The following STK39 variants were observed in gnomAD, a reference collection of about 807,000 sequenced individuals.
STK39 encodes the protein serine/threonine kinase 39.
In STK39, 20 loss-of-function variants were observed where a neutral mutation model predicts 77.8. The observed-to-expected ratio is 0.26, with a 90% CI of 0.18 to 0.37. STK39 has a LOEUF of 0.37. Among genes scored for constraint, STK39 ranks in the 10% least tolerant of loss-of-function variants. The probability of loss-of-function intolerance (pLI) is 1.00; values close to 1 mark genes in which losing one functional copy is unlikely to be tolerated. For synonymous variants in STK39, 246 were observed against 234.1 expected (o/e 1.05, Z -0.47); for missense variants, 479 against 656.5 (o/e 0.73, Z 2.95).
intron 1 of STK39, among the ~76,000 whole-genome samples, chr2:168,195,353 T>C (rs1689441913): frequency 6.6e-6 from 1 of 152,164 alleles, no homozygotes; most frequent in African/African-American, 2.4e-5. Context: ...TGAGCCACGA[T>C]GGCACTACTG....
chr2:168,152,969 A>G (rs1365788364), intron 5 of STK39, among the ~76,000 whole-genome samples: 1 of 152,200 alleles, frequency 6.6e-6, no homozygotes, highest in African/African-American at 2.4e-5. Flanking sequence ...ACATGTTAAA[A>G]ATATGATCCC....
chr2:168,203,616 G>A (rs893457030), intron 1 of STK39, among the ~76,000 whole-genome samples: 4 of 151,798 alleles, frequency 2.6e-5, no homozygotes, highest in East Asian at 1.9e-4. Context: ...TTTTTGAGAC[G>A]GAGTCTCGCT....
intron 16 of STK39, among the ~76,000 whole-genome samples, chr2:167,994,357 C>T (rs774694366): frequency 2.6e-5 from 4 of 152,094 alleles, no homozygotes; most frequent in Non-Finnish European, 5.9e-5. Flanking sequence ...ATCAATACTA[C>T]TGATTTTAAT....
chr2:168,086,928 G>T (rs925774087), intron 10 of STK39, among the ~76,000 whole-genome samples: 1 of 152,122 alleles, frequency 6.6e-6, no homozygotes, highest in African/African-American at 2.4e-5. Context: ...CCCAAGTGAG[G>T]GCAACAAAGA....
intron 1 of STK39, among the ~76,000 whole-genome samples, chr2:168,220,810 A>C (rs1690150092): frequency 6.6e-6 from 1 of 152,206 alleles, no homozygotes; most frequent in Non-Finnish European, 1.5e-5. Flanking sequence ...GGAGATTAAG[A>C]TTATACACAC....
At chr2:167,963,534 A>AC (rs1553506925) in intron 17 of STK39, among the ~76,000 whole-genome samples, 2,095 of 148,454 alleles carry the variant, frequency 0.014, 47 homozygotes, top group African/African-American at 0.048. Flanking sequence ...AAAAAAAAAA[A>AC]AAACACACAC....
At chr2:168,128,906 C>A (rs572313646) in intron 10 of STK39, among the ~76,000 whole-genome samples, 1 of 152,000 alleles carries the variant, frequency 6.6e-6, no homozygotes, top group Admixed American at 6.6e-5. Context: ...CTAAACCAAA[C>A]CAGAGGTTAA....
At chr2:168,224,548 A>G (rs771619217) in intron 1 of STK39, among the ~76,000 whole-genome samples, 1 of 152,228 alleles carries the variant, frequency 6.6e-6, no homozygotes, top group Non-Finnish European at 1.5e-5. Flanking sequence ...TCACCAAAGC[A>G]ATCAAATAGA....
At chr2:168,208,237 A>G (rs1262611175) in intron 1 of STK39, among the ~76,000 whole-genome samples, 2 of 152,204 alleles carry the variant, frequency 1.3e-5, no homozygotes, top group African/African-American at 4.8e-5. Context: ...CTTATCACCT[A>G]AGCTCTGGCC....
chr2:168,019,453 G>T (rs1474485888), intron 14 of STK39, among the ~76,000 whole-genome samples: 2 of 152,184 alleles, frequency 1.3e-5, no homozygotes, highest in African/African-American at 4.8e-5. Flanking sequence ...AGATGGTTCA[G>T]TACTATCTTT....
chr2:168,231,407 T>C (rs1055249086), intron 1 of STK39, among the ~76,000 whole-genome samples: 1 of 151,900 alleles, frequency 6.6e-6, no homozygotes, highest in Admixed American at 6.6e-5. Flanking sequence ...AGGAGGAAAA[T>C]AACATGACAC....
intron 14 of STK39, among the ~76,000 whole-genome samples, chr2:168,054,905 A>C (rs1574425493): frequency 6.6e-6 from 1 of 152,210 alleles, no homozygotes. Context: ...TCTTAGTTTT[A>C]TCTCTCTTCT....
chr2:168,139,425 A>T lies in STK39; in HGVS notation c.840+864T>A, dbSNP rs866460836. Reference sequence around the variant, plus strand: ...AAAAAAATTTATATATATATATATAAAAACAATAAAATGAATTACACTGAA... The same window carrying T: ...AAAAAAATTTATATATATATATATATAAACAATAAAATGAATTACACTGAA... On this transcript the variant is annotated intron_variant, in intron 7 of 17. Coordinates refer to ENST00000355999, the MANE Select transcript of STK39 (RefSeq NM_013233.3). Among the ~76,000 whole-genome samples, 346 of 131,746 alleles carry T rather than the reference A, an allele frequency of 2.6e-3. 3 individuals carry two copies. Among genetic ancestry groups the T allele is most frequent in the African/African-American group, 9.9e-3 (300 of 30,332 alleles). 86.4% of individuals were successfully genotyped at this position (131,746 alleles called of 152,430 possible). A position where few individuals can be genotyped will look rare whatever the true frequency, so the allele number is the denominator to read the frequency against.
chr2:168,028,240 C>T lies in STK39; in HGVS notation c.1377-11145G>A, dbSNP rs768741652. Among the ~76,000 whole-genome samples, 18 of 152,234 alleles carry T rather than the reference C, an allele frequency of 1.2e-4. No individual in the cohort carries two copies. The South Asian group carries it at 1.2e-3, about 11-fold the overall frequency. On this transcript the variant is annotated intron_variant, in intron 14 of 17. Transcript: ENST00000355999. The stretch of plus-strand genomic sequence containing the variant: ...AATACAATGAATACACATGTGCCTA[C>T]CATCCAGAATTTTAAAAATGGTAAT...
chr2:168,189,274 A>T (rs1689280410), intron 1 of STK39, among the ~76,000 whole-genome samples: 1 of 152,152 alleles, frequency 6.6e-6, no homozygotes, highest in Non-Finnish European at 1.5e-5. Context: ...TATATAACTC[A>T]TCAAGAACCA....
At chr2:167,988,344 T>C (rs1393938783) in intron 16 of STK39, among the ~76,000 whole-genome samples, 5 of 152,130 alleles carry the variant, frequency 3.3e-5, no homozygotes, top group Admixed American at 1.3e-4. Context: ...GGGACCCAAA[T>C]AGTGAACCGA....
intron 1 of STK39, among the ~76,000 whole-genome samples, chr2:168,222,545 A>C (rs1690201527): frequency 6.6e-6 from 1 of 152,212 alleles, no homozygotes; most frequent in African/African-American, 2.4e-5. Context: ...ATTTCCATTC[A>C]TGATTTCCCT....
At chr2:168,191,772 C>T (rs1689346312) in intron 1 of STK39, among the ~76,000 whole-genome samples, 1 of 152,150 alleles carries the variant, frequency 6.6e-6, no homozygotes, top group Non-Finnish European at 1.5e-5. Context: ...GGAAGCAATA[C>T]TATGTAATGC....
chr2:168,050,876 T>C (rs758282417), intron 14 of STK39, among the ~76,000 whole-genome samples: 1 of 152,182 alleles, frequency 6.6e-6, no homozygotes, highest in Non-Finnish European at 1.5e-5. Flanking sequence ...TTTCCCACAA[T>C]ACCATCAGTT....
Sources: gnomAD v4.1 joint callset for allele counts (sites outside exome capture counted in the v4.1 genomes callset) on GRCh38, gnomAD v4.1.1 for gene constraint, MANE v1.5 for transcripts, NCBI Gene and HGNC (gene_info 2026-07-23, HGNC 2026-07-21) for gene names.